AP4E1: variants seen among roughly 807,000 people sequenced by gnomAD.
AP4E1 encodes AP-4 complex subunit epsilon-1.
Under a neutral mutation model 128.2 loss-of-function variants are expected in AP4E1, and 56 were observed. That is an observed-to-expected ratio of 0.44 (90% CI 0.35 to 0.55). The LOEUF (loss-of-function observed/expected upper bound fraction) is 0.55. Ranked by LOEUF, AP4E1 falls within the 20% of genes least tolerant of loss-of-function variation. The pLI, the probability that AP4E1 is intolerant of heterozygous loss-of-function variation, is 0.00. For synonymous variants in AP4E1, 484 were observed against 473.1 expected (o/e 1.02, Z -0.30); for missense variants, 1,324 against 1,307.7 (o/e 1.01, Z -0.19).
chr15:50,963,997 T>C (rs2064354085), intron 14 of AP4E1, among the ~76,000 whole-genome samples: 1 of 152,230 alleles, frequency 6.6e-6, no homozygotes, highest in South Asian at 2.1e-4. Flanking sequence ...CCTGGCCAGG[T>C]TGAATCTCTT....
rs2064050798 is a variant in AP4E1, at chr15:50,945,670, A to G, written c.1177-2350A>G. 3 of 781,632 alleles carry G rather than the reference A, an allele frequency of 3.8e-6. 1 individual carries two copies. Among genetic ancestry groups the G allele is most frequent in the Middle Eastern group, 5.6e-4 (2 of 3,576 alleles). 48.4% of individuals were successfully genotyped at this position (781,632 alleles called of 1,614,324 possible). A position where few individuals can be genotyped will look rare whatever the true frequency, so the allele number is the denominator to read the frequency against. ...TATCTGTGTAAAATGCACTTCTGAC[A>G]GCAAGTATATTATGTGTGGATCTGA... On this transcript the variant is annotated intron_variant, in intron 10 of 20. Coordinates refer to ENST00000261842, the MANE Select transcript of AP4E1 (RefSeq NM_007347.5).
intron 15 of AP4E1, among the ~76,000 whole-genome samples, chr15:50,983,746 T>C (rs529764220): frequency 2.3e-4 from 35 of 152,276 alleles, no homozygotes; most frequent in African/African-American, 8.4e-4. Flanking sequence ...TCTTTCCTAA[T>C]TGAGTTTTTT....
chr15:50,975,956 C>CAG (rs35121200), intron 15 of AP4E1, among the ~76,000 whole-genome samples: 2,779 of 148,262 alleles, frequency 0.019, 32 homozygotes, highest in African/African-American at 0.037. Flanking sequence ...ACAAAAGGGA[C>CAG]AGAGAGAGAG....
intron 10 of AP4E1, chr15:50,945,393 T>C (rs1192009461): frequency 2.6e-6 from 2 of 778,736 alleles, no homozygotes; most frequent in South Asian, 1.3e-5. Flanking sequence ...CAAATACAGT[T>C]TGTTGGAACC....
At chr15:50,949,372 CA>C (rs1214576404) in intron 11 of AP4E1, among the ~76,000 whole-genome samples, 1 of 149,308 alleles carries the variant, frequency 6.7e-6, no homozygotes, top group African/African-American at 2.5e-5. Flanking sequence ...GAGATCGCAC[CA>C]CTGCCCTCCA....
At position 50,931,390 on chromosome 15, in the gene AP4E1, A is replaced by C. The variant is rs555839740; in HGVS notation, c.869+419A>C. On this transcript the variant is annotated intron_variant, in intron 7 of 20. Transcript: ENST00000261842. ...AGACCAGCCTGACCAACATTGTGAA[A>C]CCCCGTCTCTACTAAAAATACAAAA... Among the ~76,000 whole-genome samples, 11 of 152,140 alleles carry C rather than the reference A, an allele frequency of 7.2e-5. No homozygotes were observed. In the East Asian group the frequency reaches 2.1e-3, roughly 29 times the overall value.
At chr15:50,939,425 CAA>C (rs746927898) in intron 8 of AP4E1, among the ~76,000 whole-genome samples, 11 of 126,708 alleles carry the variant, frequency 8.7e-5, no homozygotes, top group African/African-American at 8.8e-5. Flanking sequence ...GACTGCATCT[CAA>C]AAAAAAAAAA....
intron 16 of AP4E1, among the ~76,000 whole-genome samples, chr15:50,988,648 G>T (rs2064763122): frequency 1.3e-5 from 2 of 152,058 alleles, no homozygotes; most frequent in African/African-American, 4.8e-5. Flanking sequence ...TATTATCTCT[G>T]CATTGCAAGA....
chr15:50,916,433 T>G (rs1001359521), intron 3 of AP4E1, among the ~76,000 whole-genome samples: 3 of 152,242 alleles, frequency 2.0e-5, no homozygotes, highest in Admixed American at 1.3e-4. Flanking sequence ...AAAAATTCTT[T>G]TAAGCAATTA....
intron 14 of AP4E1, 76 bp from the exon 15 acceptor site, chr15:50,968,187 A>T (rs2064420657): frequency 2.0e-6 from 2 of 1,009,484 alleles, no homozygotes; most frequent in Admixed American, 4.5e-5. Flanking sequence ...ATATGGGCTG[A>T]AATTATTTAT....
intron 16 of AP4E1, among the ~76,000 whole-genome samples, chr15:50,989,055 G>C (rs1327597381): frequency 6.6e-6 from 1 of 152,188 alleles, no homozygotes; most frequent in Non-Finnish European, 1.5e-5. Context: ...GGTAGTTGCT[G>C]TTATTAATAA....
intron 8 of AP4E1, 86 bp downstream of exon 8, chr15:50,934,783 C>A: frequency 1.1e-6 from 1 of 877,398 alleles, no homozygotes; most frequent in South Asian, 1.5e-5. Flanking sequence ...GCTATAAATT[C>A]CAATAGAATT....
chr15:50,932,582 C>A (rs1403174169), intron 7 of AP4E1, among the ~76,000 whole-genome samples: 1 of 152,162 alleles, frequency 6.6e-6, no homozygotes, highest in Non-Finnish European at 1.5e-5. Context: ...AATCAGTGTT[C>A]TGATTTTATG....
chr15:50,956,211 A>G (rs1480315332), intron 13 of AP4E1, among the ~76,000 whole-genome samples: 2 of 152,174 alleles, frequency 1.3e-5, no homozygotes, highest in African/African-American at 4.8e-5. Flanking sequence ...ACTGGGACTT[A>G]TGTTACCTGT....
At chr15:50,940,120 G>A (rs1430019161) in intron 8 of AP4E1, among the ~76,000 whole-genome samples, 2 of 152,104 alleles carry the variant, frequency 1.3e-5, no homozygotes, top group Non-Finnish European at 2.9e-5. Flanking sequence ...TTAGTCAATT[G>A]ACTAAGGTTC....
At chr15:50,976,699 C>G (rs886422261) in intron 15 of AP4E1, among the ~76,000 whole-genome samples, 7 of 152,102 alleles carry the variant, frequency 4.6e-5, no homozygotes, top group Non-Finnish European at 8.8e-5. Flanking sequence ...AGTCAACATG[C>G]AAAAATTATT....
At chr15:50,992,089 A>C (rs1279607736) in intron 16 of AP4E1, among the ~76,000 whole-genome samples, 1 of 152,088 alleles carries the variant, frequency 6.6e-6, no homozygotes, top group Non-Finnish European at 1.5e-5. Context: ...TTTCTTCAAT[A>C]AATATATTGG....
At chr15:50,982,693 C>T (rs948481200) in intron 15 of AP4E1, among the ~76,000 whole-genome samples, 1 of 151,998 alleles carries the variant, frequency 6.6e-6, no homozygotes, top group Non-Finnish European at 1.5e-5. Flanking sequence ...ATTAGCCCAT[C>T]ATTATTATTT....
At chr15:51,002,397 T>C in intron 20 of AP4E1, 105 bp from the exon 21 acceptor site, 1 of 1,207,660 alleles carries the variant, frequency 8.3e-7, no homozygotes, top group Non-Finnish European at 1.2e-6. Context: ...TTAGTGATAT[T>C]GAGTATCTTT....
Sources: allele counts gnomAD v4.1 joint callset (sites outside exome capture counted in the v4.1 genomes callset), GRCh38; gene constraint gnomAD v4.1.1; transcripts MANE v1.5; gene names NCBI Gene and HGNC (gene_info 2026-07-23, HGNC 2026-07-21).